RALYL: variants seen among roughly 807,000 people sequenced by gnomAD.
RALYL encodes the protein RALY RNA binding protein like.
Under a neutral mutation model 35.1 loss-of-function variants are expected in RALYL, and 29 were observed. The observed-to-expected ratio is 0.83, with a 90% confidence interval of 0.61 to 1.13. The LOEUF (loss-of-function observed/expected upper bound fraction) is 1.13. Ranked by LOEUF, RALYL falls within the 50% of genes most tolerant of loss-of-function variation. The pLI is 0.00. For missense variants in RALYL, 359 were observed against 360.4 expected, an observed-to-expected ratio of 1.00 and a Z score of 0.03; for synonymous variants, 120 against 127.6, an observed-to-expected ratio of 0.94 and a Z score of 0.40.
rs72335259 is a variant in RALYL, at chr8:84,869,974, TAGAG to T, written c.572-3305_572-3302del. Among the ~76,000 whole-genome samples the T allele has an allele frequency of 5.2e-3, 789 of 152,210 alleles. 4 individuals carry two copies. Among genetic ancestry groups the T allele is most frequent in the African/African-American group, 0.018 (751 of 41,518 alleles). On this transcript the variant is annotated intron_variant, in intron 6 of 8. Coordinates refer to ENST00000521268, the MANE Select transcript of RALYL (RefSeq NM_173848.7). ...TTTATCACCAAATCAATGAACTCTA[TAGAG>T]AGAGCAGATCTGAAATGACTTAATG...
At chr8:84,879,214 T>C (rs1841749868) in intron 7 of RALYL, among the ~76,000 whole-genome samples, 1 of 152,030 alleles carries the variant, frequency 6.6e-6, no homozygotes, top group Admixed American at 6.6e-5. Context: ...TTTTAAGACA[T>C]CAAAATTGAT....
intron 2 of RALYL, among the ~76,000 whole-genome samples, chr8:84,555,618 TG>T (rs2061059618): frequency 6.6e-6 from 1 of 152,248 alleles, no homozygotes; most frequent in African/African-American, 2.4e-5. Flanking sequence ...GTAATGTGAA[TG>T]TTCTGTTTTG....
intron 3 of RALYL, among the ~76,000 whole-genome samples, chr8:84,793,820 A>T (rs189594017): frequency 6.6e-6 from 1 of 152,330 alleles, no homozygotes; most frequent in East Asian, 1.9e-4. Context: ...AAGCTTGGTT[A>T]GAGAGGGGCT....
chr8:84,884,097 G>A (rs7834730), intron 7 of RALYL, among the ~76,000 whole-genome samples: 69,523 of 151,748 alleles, frequency 0.46, 18,926 homozygotes, highest in African/African-American at 0.75. Flanking sequence ...TGAGGGGTAC[G>A]GAGCACATCA....
At chr8:84,198,104 T>A (rs995526597) in intron 1 of RALYL, among the ~76,000 whole-genome samples, 1 of 152,116 alleles carries the variant, frequency 6.6e-6, no homozygotes, top group Non-Finnish European at 1.5e-5. Context: ...AGGTAGAAAC[T>A]GAAAAGAAAA....
chr8:84,328,609 A>AT (rs1156448839), intron 1 of RALYL, among the ~76,000 whole-genome samples: 1 of 152,070 alleles, frequency 6.6e-6, no homozygotes, highest in Non-Finnish European at 1.5e-5. Flanking sequence ...ATTTAATTTT[A>AT]TTTTTTATAA....
At chr8:84,915,011 C>A (rs1295131121) in intron 8 of RALYL, among the ~76,000 whole-genome samples, 1 of 152,052 alleles carries the variant, frequency 6.6e-6, no homozygotes, top group Non-Finnish European at 1.5e-5. Flanking sequence ...GCAAATCATT[C>A]ATTCTCTGAT....
chr8:84,818,717 A>T (rs1264606608), intron 4 of RALYL, among the ~76,000 whole-genome samples: 1 of 152,186 alleles, frequency 6.6e-6, no homozygotes, highest in Non-Finnish European at 1.5e-5. Flanking sequence ...GAAGAGTGAT[A>T]TTATCCAAAG....
chr8:84,543,109 T>A (rs768123297), intron 2 of RALYL, among the ~76,000 whole-genome samples: 1 of 152,156 alleles, frequency 6.6e-6, no homozygotes, highest in Non-Finnish European at 1.5e-5. Flanking sequence ...CTGGAAATTA[T>A]TAATTATATC....
At chr8:84,766,735 A>AC (rs1563555923) in intron 2 of RALYL, among the ~76,000 whole-genome samples, 33 of 147,800 alleles carry the variant, frequency 2.2e-4, no homozygotes, top group African/African-American at 7.9e-4. Context: ...AAAAAAAAAA[A>AC]AAAAAAAAAA....
At chr8:84,919,137 A>G (rs1298982954) in intron 8 of RALYL, among the ~76,000 whole-genome samples, 1 of 152,066 alleles carries the variant, frequency 6.6e-6, no homozygotes, top group Admixed American at 6.6e-5. Context: ...CATGACTAGT[A>G]AGCTTTACAT....
chr8:84,562,260 G>T (rs923416552), intron 2 of RALYL, among the ~76,000 whole-genome samples: 3 of 151,828 alleles, frequency 2.0e-5, no homozygotes, highest in Non-Finnish European at 4.4e-5. Context: ...ACTCATTATA[G>T]TTCATTTGCA....
chr8:84,287,572 A>G (rs1366134476), intron 1 of RALYL, among the ~76,000 whole-genome samples: 1 of 151,504 alleles, frequency 6.6e-6, no homozygotes, highest in Non-Finnish European at 1.5e-5. Flanking sequence ...TAGGGAGAAT[A>G]GAAGGAAATG....
chr8:84,843,768 T>A (rs376450506), intron 4 of RALYL, among the ~76,000 whole-genome samples: 1 of 151,950 alleles, frequency 6.6e-6, no homozygotes, highest in Non-Finnish European at 1.5e-5. Flanking sequence ...ACCAAAACAG[T>A]GATATAGACC....
At chr8:84,584,158 A>G (rs191373576) in intron 2 of RALYL, among the ~76,000 whole-genome samples, 59 of 152,302 alleles carry the variant, frequency 3.9e-4, no homozygotes, top group African/African-American at 1.3e-3. Flanking sequence ...ATTGAAGTCC[A>G]TAGTCACCCT....
chr8:84,256,573 T>TGCA (rs1831245854), intron 1 of RALYL, among the ~76,000 whole-genome samples: 1 of 152,120 alleles, frequency 6.6e-6, no homozygotes. Context: ...TAGGCTCTCA[T>TGCA]GCAGCTGTGG....
chr8:84,308,776 G>C (rs1349436156), intron 1 of RALYL, among the ~76,000 whole-genome samples: 2 of 151,646 alleles, frequency 1.3e-5, no homozygotes, highest in Non-Finnish European at 2.9e-5. Context: ...AATAAAAATG[G>C]GTTGAATTTA....
chr8:84,826,034 A>C (rs1421305615), intron 4 of RALYL, among the ~76,000 whole-genome samples: 2 of 152,088 alleles, frequency 1.3e-5, no homozygotes, highest in African/African-American at 4.8e-5. Context: ...TCATTATCCA[A>C]AGTGAATTAA....
At chr8:84,494,640 T>C (rs896667302) in intron 1 of RALYL, among the ~76,000 whole-genome samples, 9 of 152,074 alleles carry the variant, frequency 5.9e-5, no homozygotes, top group African/African-American at 2.2e-4. Flanking sequence ...TTCCTAGATA[T>C]TTTATTCTCT....
Sources: gnomAD v4.1 joint callset for allele counts (sites outside exome capture counted in the v4.1 genomes callset) on GRCh38, gnomAD v4.1.1 for gene constraint, MANE v1.5 for transcripts, NCBI Gene and HGNC (gene_info 2026-07-23, HGNC 2026-07-21) for gene names.